Variants in RBFOX1 observed in about 807,000 individuals in gnomAD.
RBFOX1 encodes the protein RNA binding fox-1 homolog 1.
In RBFOX1, 8 loss-of-function variants were observed where a neutral mutation model predicts 57.7. That is an observed-to-expected ratio of 0.14 (90% CI 0.08 to 0.25). The LOEUF (loss-of-function observed/expected upper bound fraction) is 0.25, where lower values mean the gene tolerates loss of function less well. RBFOX1 is among the 10% of genes least tolerant of loss of function. The pLI is 1.00. For missense variants in RBFOX1, 611 were observed against 548.5 expected (o/e 1.11, Z -1.14); for synonymous variants, 326 against 222.4 (o/e 1.47, Z -4.15).
chr16:5,700,965 C>G (rs1024956468), intron 3 of RBFOX1, among the ~76,000 whole-genome samples: 2 of 152,146 alleles, frequency 1.3e-5, no homozygotes, highest in Non-Finnish European at 2.9e-5. Context: ...AAGAGGAATG[C>G]TACTACTTCC....
At position 7,712,111 on chromosome 16, in the gene RBFOX1, A is replaced by G. The variant is rs927280366; in HGVS notation, c.*1366A>G. On this transcript the variant is annotated 3_prime_UTR_variant, in exon 16 of 16. Coordinates refer to ENST00000550418, the MANE Select transcript of RBFOX1 (RefSeq NM_018723.4). ...TTCTCGGATGCAGGGCCAGAGTGACACAGCCGAAAAATTGCAGTTTGTCTG... is the reference window on the plus strand; with the variant it reads ...TTCTCGGATGCAGGGCCAGAGTGACGCAGCCGAAAAATTGCAGTTTGTCTG... 1 of 152,672 alleles carries G rather than the reference A, an allele frequency of 6.5e-6. No homozygotes were observed. Among genetic ancestry groups the G allele is most frequent in the African/African-American group, 2.4e-5 (1 of 41,466 alleles). The allele number at this position is 152,672 out of a possible 1,614,324, so 9.5% of individuals were successfully genotyped here.
chr16:5,807,861 C>T (rs1023340217), intron 3 of RBFOX1, among the ~76,000 whole-genome samples: 2 of 152,192 alleles, frequency 1.3e-5, no homozygotes, highest in Non-Finnish European at 2.9e-5. Context: ...CTGGACCACA[C>T]TTTGAGGAGC....
intron 4 of RBFOX1, among the ~76,000 whole-genome samples, chr16:7,175,606 A>C (rs2081504944): frequency 6.6e-6 from 1 of 152,172 alleles, no homozygotes; most frequent in Admixed American, 6.5e-5. Flanking sequence ...ACACTTTGAA[A>C]GGTAGGGTTT....
intron 3 of RBFOX1, among the ~76,000 whole-genome samples, chr16:6,763,058 C>A (rs1221234939): frequency 6.6e-6 from 1 of 152,120 alleles, no homozygotes; most frequent in African/African-American, 2.4e-5. Flanking sequence ...TTATTAAGGT[C>A]CTACAATATA....
intron 4 of RBFOX1, among the ~76,000 whole-genome samples, chr16:7,159,077 C>G (rs941404240): frequency 1.3e-5 from 2 of 151,936 alleles, no homozygotes; most frequent in Admixed American, 6.6e-5. Flanking sequence ...TTCTGAAGTT[C>G]TATCATATCA....
At chr16:7,303,513 C>A (rs186660641) in intron 4 of RBFOX1, among the ~76,000 whole-genome samples, 3 of 152,172 alleles carry the variant, frequency 2.0e-5, no homozygotes, top group African/African-American at 7.2e-5. Context: ...GCCTGCTCAC[C>A]GGCAGAGGGT....
At chr16:5,959,842 G>C (rs1411393107) in intron 4 of RBFOX1, among the ~76,000 whole-genome samples, 1 of 152,094 alleles carries the variant, frequency 6.6e-6, no homozygotes, top group Non-Finnish European at 1.5e-5. Context: ...GAAAGAAATT[G>C]CTGGTGGCTT....
intron 3 of RBFOX1, among the ~76,000 whole-genome samples, chr16:5,713,701 T>C (rs1317829878): frequency 6.6e-6 from 1 of 152,198 alleles, no homozygotes; most frequent in East Asian, 1.9e-4. Context: ...TATGTCATTG[T>C]GGTGTCTGGA....
chr16:5,852,924 C>T (rs1381410036), intron 3 of RBFOX1, among the ~76,000 whole-genome samples: 1 of 152,162 alleles, frequency 6.6e-6, no homozygotes, highest in Admixed American at 6.5e-5. Flanking sequence ...GCACTACTGC[C>T]CCTCCTCTAG....
intron 1 of RBFOX1, among the ~76,000 whole-genome samples, chr16:5,455,754 G>A (rs2068611629): frequency 6.6e-6 from 1 of 152,164 alleles, no homozygotes; most frequent in Non-Finnish European, 1.5e-5. Flanking sequence ...AAAGATGGCA[G>A]CATGGACACA....
chr16:7,650,753 C>T (rs1171050501), intron 11 of RBFOX1, among the ~76,000 whole-genome samples: 1 of 152,188 alleles, frequency 6.6e-6, no homozygotes, highest in Non-Finnish European at 1.5e-5. Flanking sequence ...GCTGCTCTGC[C>T]AGATTGTGAA....
Position 7,393,143 on chromosome 16 carries a change from G to A in RBFOX1, c.28-125004G>A, listed in dbSNP as rs994029511. The stretch of plus-strand genomic sequence containing the variant: ...CCTGCCTCAGCCTCCTAAAGTGGTG[G>A]GATTACAGGTGTGAGCCACCGCACC... On this transcript the variant is annotated intron_variant, in intron 4 of 15. Transcript: ENST00000550418. Among the ~76,000 whole-genome samples the A allele has an allele frequency of 3.3e-5, 5 of 152,090 alleles. No homozygotes were observed. The South Asian group carries it at 6.2e-4, about 19-fold the overall frequency.
chr16:6,087,801 C>A (rs1213442335), intron 1 of RBFOX1, among the ~76,000 whole-genome samples: 1 of 152,014 alleles, frequency 6.6e-6, no homozygotes, highest in Admixed American at 6.6e-5. Flanking sequence ...TATAGGCGAG[C>A]ACCACCACAC....
chr16:6,179,510 C>T (rs1039890042), intron 1 of RBFOX1, among the ~76,000 whole-genome samples: 23 of 152,238 alleles, frequency 1.5e-4, no homozygotes, highest in Middle Eastern at 3.4e-3. Context: ...GCTGTAGCAT[C>T]ACCCTCATCT....
rs377415371 is a variant in RBFOX1, at chr16:7,570,294, A to C, written c.271-9483A>C. Among the ~76,000 whole-genome samples the C allele has an allele frequency of 1.6e-4, 24 of 152,148 alleles. No homozygotes were observed. The South Asian group carries it at 3.1e-3, about 20-fold the overall frequency. On this transcript the variant is annotated intron_variant, in intron 5 of 15. Coordinates refer to ENST00000550418, the MANE Select transcript of RBFOX1 (RefSeq NM_018723.4). ...CTTGAGCTATATCTAATGCTGTGTG[A>C]TGAGTGCATGTATTTTTCATTTCCA... is the stretch of plus-strand genomic sequence containing the variant.
intron 3 of RBFOX1, among the ~76,000 whole-genome samples, chr16:5,685,938 G>A (rs531592002): frequency 1.4e-4 from 21 of 152,318 alleles, no homozygotes; most frequent in African/African-American, 5.1e-4. Context: ...AAATAACCTA[G>A]ATGCCACTTA....
intron 2 of RBFOX1, among the ~76,000 whole-genome samples, chr16:6,441,414 T>C (rs1422511194): frequency 1.3e-5 from 2 of 152,052 alleles, no homozygotes; most frequent in Admixed American, 1.3e-4. Flanking sequence ...TTTTGTTTTG[T>C]TTTGTTTTTT....
At chr16:5,831,308 A>G (rs1292237104) in intron 3 of RBFOX1, among the ~76,000 whole-genome samples, 2 of 151,622 alleles carry the variant, frequency 1.3e-5, no homozygotes, top group Non-Finnish European at 2.9e-5. Flanking sequence ...AGTGTGTGGC[A>G]CCTTCCCTGC....
intron 2 of RBFOX1, among the ~76,000 whole-genome samples, chr16:6,628,328 A>G (rs1253331671): frequency 2.0e-5 from 3 of 152,188 alleles, no homozygotes; most frequent in Non-Finnish European, 2.9e-5. Context: ...GTATCTTCCT[A>G]AACCTAGAGT....
Sources: allele counts gnomAD v4.1 joint callset (sites outside exome capture counted in the v4.1 genomes callset), GRCh38; gene constraint gnomAD v4.1.1; transcripts MANE v1.5; gene names NCBI Gene and HGNC (gene_info 2026-07-23, HGNC 2026-07-21).